The following RALGAPA1 variants were observed in gnomAD, a reference collection of about 807,000 sequenced individuals.
The protein encoded by RALGAPA1 is Ral GTPase activating protein catalytic subunit alpha 1, also known as ral GTPase-activating protein subunit alpha-1.
In RALGAPA1, 52 loss-of-function variants were observed where a neutral mutation model predicts 269.6. The observed-to-expected ratio is 0.19, with a 90% CI of 0.15 to 0.24. The LOEUF (loss-of-function observed/expected upper bound fraction) is 0.24. RALGAPA1 is among the 10% of genes least tolerant of loss of function. The probability of loss-of-function intolerance (pLI) is 1.00; values close to 1 mark genes in which losing one functional copy is unlikely to be tolerated. For synonymous variants in RALGAPA1, 817 were observed against 1,008.3 expected (o/e 0.81, Z 3.60); for missense variants, 1,917 against 3,013.9 (o/e 0.64, Z 8.52).
At chr14:35,776,249 C>T (rs372541508) in intron 1 of RALGAPA1, among the ~76,000 whole-genome samples, 1 of 151,920 alleles carries the variant, frequency 6.6e-6, no homozygotes, top group Non-Finnish European at 1.5e-5. Context: ...GGTGTGGTGG[C>T]GTGCACCTGT....
At chr14:35,802,718 G>T (rs1465285477) in intron 1 of RALGAPA1, among the ~76,000 whole-genome samples, 1 of 146,758 alleles carries the variant, frequency 6.8e-6, no homozygotes, top group African/African-American at 2.6e-5. Context: ...GTGTCACTGT[G>T]TCACCCAGGC....
chr14:35,692,800 T>G (rs565738357), intron 17 of RALGAPA1, among the ~76,000 whole-genome samples: 1 of 151,984 alleles, frequency 6.6e-6, no homozygotes, highest in South Asian at 2.1e-4. Context: ...GGCACTTGAA[T>G]TGAGCATAAT....
intron 39 of RALGAPA1, among the ~76,000 whole-genome samples, chr14:35,553,318 GAGAGGGAATTTTGACTT>G (rs1484972098): frequency 6.6e-6 from 1 of 152,152 alleles, no homozygotes; most frequent in Non-Finnish European, 1.5e-5. Flanking sequence ...GGCACGTACA[GAGAGGGAATTTTGACTT>G]ATTCTGATGC....
intron 33 of RALGAPA1, among the ~76,000 whole-genome samples, chr14:35,632,901 A>G (rs769207820): frequency 4.6e-5 from 7 of 152,196 alleles, no homozygotes; most frequent in Non-Finnish European, 1.0e-4. Flanking sequence ...CAGAGCATGT[A>G]GTCACTACAG....
intron 38 of RALGAPA1, among the ~76,000 whole-genome samples, chr14:35,571,769 A>C (rs2057222173): frequency 6.6e-6 from 1 of 152,160 alleles, no homozygotes; most frequent in Non-Finnish European, 1.5e-5. Flanking sequence ...CCCAAAACCA[A>C]AACCGAAATA....
chr14:35,660,442 T>G (rs1009809707), intron 27 of RALGAPA1, among the ~76,000 whole-genome samples: 12 of 152,002 alleles, frequency 7.9e-5, no homozygotes, highest in Middle Eastern at 6.8e-3. Flanking sequence ...GGAATACGTA[T>G]AACAAAAGAG....
intron 39 of RALGAPA1, 99 bp downstream of exon 39, chr14:35,570,518 A>T (rs1401911414): frequency 1.0e-6 from 1 of 977,438 alleles, no homozygotes; most frequent in Non-Finnish European, 1.4e-6. Flanking sequence ...AATTAAAAAA[A>T]CCCTAGAAAA....
chr14:35,690,351 C>T (rs8021355), intron 17 of RALGAPA1, among the ~76,000 whole-genome samples: 3 of 151,950 alleles, frequency 2.0e-5, no homozygotes, highest in East Asian at 1.9e-4. Flanking sequence ...TACTTATTTA[C>T]GTTCCAAGCA....
intron 18 of RALGAPA1, among the ~76,000 whole-genome samples, chr14:35,687,091 T>G (rs1248381008): frequency 6.6e-6 from 1 of 152,182 alleles, no homozygotes; most frequent in African/African-American, 2.4e-5. Flanking sequence ...ACAAATGCAT[T>G]TGAGTATTTA....
chr14:35,771,154 G>A (rs2074582887), intron 3 of RALGAPA1, among the ~76,000 whole-genome samples, 155 bp from the exon 4 acceptor site: 1 of 152,146 alleles, frequency 6.6e-6, no homozygotes, highest in Admixed American at 6.5e-5. Context: ...AGCGCTTTGG[G>A]AAGCTGAGGT....
intron 38 of RALGAPA1, among the ~76,000 whole-genome samples, chr14:35,571,149 C>T (rs186463587): frequency 5.3e-4 from 81 of 152,290 alleles, no homozygotes; most frequent in Middle Eastern, 3.4e-3. Context: ...ACTAGCTTTA[C>T]TACAGAACCT....
In RALGAPA1 at chr14:35,560,154, A is replaced by G. The variant is rs558244416; in HGVS notation, c.7496+10463T>C. On this transcript the variant is annotated intron_variant, in intron 39 of 41. Transcript: ENST00000680220. Reference sequence around the variant, plus strand: ...GTAATTGTTTCGCTAGTCAACGGGTAAAAAACACACAATAGCAGAAGGAAC... The same window carrying G: ...GTAATTGTTTCGCTAGTCAACGGGTGAAAAACACACAATAGCAGAAGGAAC... Among the ~76,000 whole-genome samples the G allele has an allele frequency of 2.0e-3, 309 of 152,360 alleles. 2 individuals carry two copies. The highest frequency in any genetic ancestry group is 3.6e-3 in the Non-Finnish European group (242 of 68,034).
In RALGAPA1 at chr14:35,775,875, A is replaced by G. The variant is rs116517700; in HGVS notation, c.107-130T>C. 5.2e-4 allele frequency: 500 copies of G among 958,894 alleles called. 4 individuals are homozygous for G. The African/African-American group carries it at 7.9e-3, about 15-fold the overall frequency. The allele number at this position is 958,894 out of a possible 1,614,324, so 59.4% of individuals were successfully genotyped here. ...ATTCTATTCTATTAAAATATTTACA[A>G]TATATATTTCTATGTCTATATCCTC... On this transcript the variant is annotated intron_variant, in intron 1 of 41. Transcript: ENST00000680220.
intron 4 of RALGAPA1, among the ~76,000 whole-genome samples, chr14:35,763,789 T>TAGAG (rs1196508433): frequency 1.3e-4 from 19 of 151,132 alleles, no homozygotes; most frequent in Admixed American, 7.9e-4. Flanking sequence ...TATATATATA[T>TAGAG]ATATAGAGAG....
At chr14:35,685,448 C>T (rs1219973080) in intron 19 of RALGAPA1, among the ~76,000 whole-genome samples, 3 of 151,252 alleles carry the variant, frequency 2.0e-5, no homozygotes, top group African/African-American at 4.9e-5. Flanking sequence ...AAAAAAGCAG[C>T]AAATAAAAAA....
chr14:35,663,791 C>A (rs191641835), intron 27 of RALGAPA1, among the ~76,000 whole-genome samples: 1 of 152,032 alleles, frequency 6.6e-6, no homozygotes, highest in Non-Finnish European at 1.5e-5. Flanking sequence ...TAGGGTTTCA[C>A]CGTGTTAGCC....
chr14:35,766,671 G>A, intron 4 of RALGAPA1: 1 of 667,536 alleles, frequency 1.5e-6, no homozygotes, highest in South Asian at 1.4e-5. Context: ...AATTCTCTCA[G>A]GAAATGTTTT....
At position 35,641,411 on chromosome 14, in the gene RALGAPA1, C is replaced by G. The variant is rs191610219; in HGVS notation, c.5677-5813G>C. ...TCAAATTCAGTAAAGCTGCAGGATA[C>G]AAAATCAACATACAAAAATTAGTAG... On this transcript the variant is annotated intron_variant, in intron 31 of 41. Transcript: ENST00000680220. Among the ~76,000 whole-genome samples the G allele has an allele frequency of 4.6e-5, 7 of 152,230 alleles. No homozygotes were observed. The East Asian group carries it at 1.3e-3, about 29-fold the overall frequency.
intron 35 of RALGAPA1, among the ~76,000 whole-genome samples, chr14:35,614,923 C>T (rs548880807): frequency 1.3e-5 from 2 of 151,886 alleles, no homozygotes; most frequent in South Asian, 2.1e-4. Flanking sequence ...AGTATATGTG[C>T]CATATAGGAA....
Sources: gnomAD v4.1 joint callset for allele counts (sites outside exome capture counted in the v4.1 genomes callset) on GRCh38, gnomAD v4.1.1 for gene constraint, MANE v1.5 for transcripts, NCBI Gene and HGNC (gene_info 2026-07-23, HGNC 2026-07-21) for gene names.